Variants in MAD1L1 observed in about 807,000 individuals in gnomAD.
MAD1L1 encodes mitotic spindle assembly checkpoint protein MAD1.
A neutral mutation model predicts 96.9 loss-of-function variants in MAD1L1; 95 were observed. That is an observed-to-expected ratio of 0.98 (90% CI 0.83 to 1.16). The LOEUF is 1.16. Among genes scored for constraint, MAD1L1 ranks in the 50% most tolerant of loss-of-function variants. MAD1L1 has a pLI of 0.00. For missense variants in MAD1L1, 1,007 were observed against 954.4 expected (o/e 1.06, Z -0.73); for synonymous variants, 473 against 396.6 (o/e 1.19, Z -2.29).
chr7:1,878,410 T>C (rs1266137835), intron 18 of MAD1L1, among the ~76,000 whole-genome samples: 8 of 152,004 alleles, frequency 5.3e-5, no homozygotes, highest in Admixed American at 5.2e-4. Context: ...ATGCAAAAAT[T>C]CTCACTAAAA....
intron 16 of MAD1L1, among the ~76,000 whole-genome samples, chr7:1,937,520 C>A (rs766112161): frequency 1.3e-5 from 2 of 151,870 alleles, no homozygotes; most frequent in Non-Finnish European, 2.9e-5. Flanking sequence ...GGTGACCGAC[C>A]CCCAGCAACA....
chr7:2,000,995 A>G (rs1462861317), intron 14 of MAD1L1, among the ~76,000 whole-genome samples: 1 of 152,160 alleles, frequency 6.6e-6, no homozygotes, highest in Admixed American at 6.5e-5. Context: ...ACCCTGTCCC[A>G]TGAGAAGGGC....
chr7:1,936,958 A>G (rs1778648014), intron 16 of MAD1L1, 61 bp from the exon 17 acceptor site: 2 of 1,360,310 alleles, frequency 1.5e-6, no homozygotes, highest in Admixed American at 2.0e-5. Context: ...CACGGGTCAC[A>G]CACAGCATGG....
intron 18 of MAD1L1, among the ~76,000 whole-genome samples, chr7:1,886,639 C>A (rs1014081587): frequency 2.6e-5 from 4 of 152,246 alleles, no homozygotes; most frequent in Non-Finnish European, 4.4e-5. Context: ...ACTTCCAGGA[C>A]AGCAGGGGTC....
chr7:1,993,535 G>A (rs968558454), intron 14 of MAD1L1, among the ~76,000 whole-genome samples: 6 of 152,208 alleles, frequency 3.9e-5, no homozygotes, highest in Non-Finnish European at 7.3e-5. Flanking sequence ...GGCCCAGATA[G>A]AAAACAAGCT....
chr7:2,076,491 C>G (rs1229909510), intron 11 of MAD1L1, among the ~76,000 whole-genome samples: 1 of 152,258 alleles, frequency 6.6e-6, no homozygotes, highest in Non-Finnish European at 1.5e-5. Context: ...GACGTCTGTT[C>G]AGATCCCCGA....
At chr7:2,021,705 T>C (rs1459414878) in intron 12 of MAD1L1, among the ~76,000 whole-genome samples, 1 of 151,892 alleles carries the variant, frequency 6.6e-6, no homozygotes, top group Non-Finnish European at 1.5e-5. Context: ...GTGGAGGCTA[T>C]AGTGAGCCAA....
intron 12 of MAD1L1, among the ~76,000 whole-genome samples, chr7:2,052,191 T>C (rs1432670172): frequency 6.6e-6 from 1 of 152,032 alleles, no homozygotes; most frequent in Non-Finnish European, 1.5e-5. Flanking sequence ...CAGAACCCTA[T>C]CGTCCTCGCC....
chr7:1,918,483 G>A (rs1253581264), intron 17 of MAD1L1, among the ~76,000 whole-genome samples: 2 of 152,290 alleles, frequency 1.3e-5, no homozygotes, highest in South Asian at 2.1e-4. Flanking sequence ...GGAGCTCCGA[G>A]GCCCAGGCCG....
At chr7:2,029,122 T>C (rs542516683) in intron 12 of MAD1L1, among the ~76,000 whole-genome samples, 38 of 152,316 alleles carry the variant, frequency 2.5e-4, no homozygotes, top group Admixed American at 6.5e-4. Context: ...GAAAAGCTGC[T>C]ACAGAATGAG....
At chr7:2,118,734 C>T (rs138942270) in intron 11 of MAD1L1, among the ~76,000 whole-genome samples, 1 of 152,318 alleles carries the variant, frequency 6.6e-6, no homozygotes, top group East Asian at 1.9e-4. Flanking sequence ...GCAGGCTCGG[C>T]TCACAGTCTT....
At chr7:2,211,578 G>A (rs1267468995) in intron 10 of MAD1L1, among the ~76,000 whole-genome samples, 1 of 152,188 alleles carries the variant, frequency 6.6e-6, no homozygotes, top group Non-Finnish European at 1.5e-5. Flanking sequence ...AGTATGCCTG[G>A]GAGCAGAAGG....
At position 1,851,756 on chromosome 7, in the gene MAD1L1, G is replaced by A. The variant is rs546216929; in HGVS notation, c.1999-35528C>T. ...CAGGAACAGGCACTTACAGTGTCGC[G>A]AAACCTGTTCAGCATCCCAGGCAGG... On this transcript the variant is annotated intron_variant, in intron 18 of 18. Coordinates refer to ENST00000265854, the MANE Select transcript of MAD1L1 (RefSeq NM_001013836.2). 2.8e-3 allele frequency among the ~76,000 whole-genome samples: 424 copies of A among 152,280 alleles called. 7 individuals carry two copies. The South Asian group carries it at 0.044, about 16-fold the overall frequency.
chr7:2,058,887 T>A (rs879147932), intron 12 of MAD1L1, among the ~76,000 whole-genome samples: 35 of 14,480 alleles, frequency 2.4e-3, no homozygotes, highest in African/African-American at 8.1e-3. Flanking sequence ...GGGGCTAGAG[T>A]GGGAGTGTGG....
At chr7:1,847,229 C>A (rs6954521) in intron 18 of MAD1L1, 153,258 of 469,936 alleles carry the variant, frequency 0.33, 26,921 homozygotes, top group East Asian at 0.45. Context: ...CCAACTGACG[C>A]TTGTCCTTTT....
In MAD1L1 at chr7:1,980,478, A is replaced by C. The variant is rs763731590; in HGVS notation, c.1480T>G (p.Ser494Ala). 5 of 1,594,558 alleles carry C rather than the reference A, an allele frequency of 3.1e-6. No homozygotes were observed. Among genetic ancestry groups the C allele is most frequent in the Non-Finnish European group, 4.3e-6 (5 of 1,176,360 alleles). Residue 494 changes from serine to alanine, a missense_variant, in exon 15 of 19, where the codon TCC (serine) becomes GCC (alanine). Ser to Ala is a moderately conservative substitution (Grantham distance 99). Transcript: ENST00000265854. ...CTGAGCGTGTCCGCCTCCTCCCTGG[A>C]GAACAGGAAGCTCTGTTCGGCAGAG... ...SSSAEQSFLF[S>A]REEADTLRLK...
At chr7:1,879,474 G>T (rs1386524144) in intron 18 of MAD1L1, among the ~76,000 whole-genome samples, 1 of 134,864 alleles carries the variant, frequency 7.4e-6, no homozygotes, top group Non-Finnish European at 1.6e-5. Context: ...AAAAAAAAAA[G>T]AATGTCAGTT....
rs1273972288 is a variant in MAD1L1, at chr7:2,061,140, C to G, written c.1218+8054G>C. On this transcript the variant is annotated intron_variant, in intron 12 of 18. Coordinates refer to ENST00000265854, the MANE Select transcript of MAD1L1 (RefSeq NM_001013836.2). ...GATCACGAGGTCAGGAGTTCGAGAC[C>G]AGCCTAACCAACATGGTGAGACCCC... is the stretch of plus-strand genomic sequence containing the variant. Among the ~76,000 whole-genome samples, 4 of 152,224 alleles carry G rather than the reference C, an allele frequency of 2.6e-5. No homozygotes were observed. In the East Asian group the frequency reaches 7.7e-4, roughly 29 times the overall value.
intron 12 of MAD1L1, among the ~76,000 whole-genome samples, chr7:2,018,439 G>A (rs1034594478): frequency 5.9e-5 from 9 of 152,224 alleles, no homozygotes; most frequent in East Asian, 1.9e-4. Context: ...ACAGCTGCTC[G>A]TGAAAGATGG....
Sources: gnomAD v4.1 joint callset for allele counts (sites outside exome capture counted in the v4.1 genomes callset) on GRCh38, gnomAD v4.1.1 for gene constraint, MANE v1.5 for transcripts, NCBI Gene and HGNC (gene_info 2026-07-23, HGNC 2026-07-21) for gene names.